The following ADCY2 variants were observed in gnomAD, a reference collection of about 807,000 sequenced individuals.
ADCY2 encodes adenylate cyclase type 2.
In ADCY2, 31 loss-of-function variants were observed where a neutral mutation model predicts 125.2. The ratio of observed to expected loss-of-function variants is 0.25; its 90% CI spans 0.19 to 0.33. The LOEUF (loss-of-function observed/expected upper bound fraction) is 0.33, where lower values mean the gene tolerates loss of function less well. Ranked by LOEUF, ADCY2 falls within the 10% of genes least tolerant of loss-of-function variation. The pLI is 1.00. For synonymous variants in ADCY2, 512 were observed against 548.4 expected, an observed-to-expected ratio of 0.93 and a Z score of 0.93; for missense variants, 904 against 1,418.2, an observed-to-expected ratio of 0.64 and a Z score of 5.82.
intron 15 of ADCY2, among the ~76,000 whole-genome samples, chr5:7,754,876 AAAAAC>A (rs895767007): frequency 4.5e-4 from 69 of 152,116 alleles, no homozygotes; most frequent in African/African-American, 1.6e-3. Flanking sequence ...AAAAAAAAGA[AAAAAC>A]AAAACAAAAC....
intron 20 of ADCY2, chr5:7,794,891 C>T (rs1172851494): frequency 6.6e-6 from 1 of 151,992 alleles, no homozygotes; most frequent in Non-Finnish European, 1.5e-5. Flanking sequence ...GTTTCTGTCC[C>T]CTCTACAGTG....
At chr5:7,642,487 G>A (rs1579268433) in intron 4 of ADCY2, among the ~76,000 whole-genome samples, 1 of 152,024 alleles carries the variant, frequency 6.6e-6, no homozygotes, top group East Asian at 1.9e-4. Context: ...TGTTTACAAT[G>A]TTATTATTTT....
rs1243719617 is a variant in ADCY2, at chr5:7,690,823, C to T, written c.853C>T (p.Arg285Trp). 2.5e-6 allele frequency: 4 copies of T among 1,594,830 alleles called. No individual in the cohort carries two copies. Among genetic ancestry groups the T allele is most frequent in the Non-Finnish European group, 3.4e-6 (4 of 1,172,112 alleles). The part of the protein sequence containing the change: ...TNNFHNLYVK[R>W]HTNVSILYAD... ...TAACTTCCACAACCTGTATGTGAAG[C>T]GGCATACAAACGTGAGGTACGACGC... Residue 285 changes from arginine (R) to tryptophan (W), a missense_variant, in exon 5 of 25, where the codon CGG (arginine) becomes TGG (tryptophan). Arg to Trp is a moderately radical substitution (Grantham distance 101). Around this residue, in one of 7 missense-constraint regions of ADCY2, gnomAD observed 117 missense variants for 248.0 expected, o/e 0.47. Transcript: ENST00000338316.
At chr5:7,783,501 G>A (rs748846163) in intron 18 of ADCY2, among the ~76,000 whole-genome samples, 21 of 151,866 alleles carry the variant, frequency 1.4e-4, no homozygotes, top group South Asian at 8.4e-4. Context: ...TTGTTATCTC[G>A]TTTGTCCTTG....
chr5:7,485,526 A>G (rs780887672), intron 2 of ADCY2, among the ~76,000 whole-genome samples: 4 of 152,148 alleles, frequency 2.6e-5, no homozygotes, highest in Non-Finnish European at 5.9e-5. Context: ...ATACACACAT[A>G]TTTTGCTGAT....
intron 15 of ADCY2, among the ~76,000 whole-genome samples, chr5:7,752,894 C>CTTTTTTTTTTTTTTTTT: frequency 1.1e-5 from 1 of 94,386 alleles, no homozygotes; most frequent in Non-Finnish European, 2.1e-5. Context: ...TAGGATTTTC[C>CTTTTTTTTTTTTTTTTT]TTTTTTTTTT....
chr5:7,462,041 G>GC (rs1488256774), intron 2 of ADCY2, among the ~76,000 whole-genome samples: 2 of 152,166 alleles, frequency 1.3e-5, no homozygotes, highest in East Asian at 3.9e-4. Context: ...GAGGATGAAC[G>GC]CTTTTCCTGT....
chr5:7,448,737 T>C (rs113574673), intron 2 of ADCY2, among the ~76,000 whole-genome samples: 2,303 of 152,276 alleles, frequency 0.015, 59 homozygotes, highest in African/African-American at 0.052. Flanking sequence ...TGGTATTTGG[T>C]TTTCTGTTCC....
intron 3 of ADCY2, among the ~76,000 whole-genome samples, chr5:7,554,484 A>G (rs768407493): frequency 1.6e-4 from 24 of 152,222 alleles, no homozygotes; most frequent in Non-Finnish European, 3.2e-4. Context: ...CTTGCCATAA[A>G]TAAGAGTCTA....
chr5:7,589,514 A>AAAGAAAGAAAGAAAG (rs1561112604), intron 3 of ADCY2, among the ~76,000 whole-genome samples: 2 of 72,066 alleles, frequency 2.8e-5, no homozygotes, highest in African/African-American at 8.9e-5. Context: ...AAGAAAGAAA[A>AAAGAAAGAAAGAAAG]GAAAAGAAAG....
At chr5:7,516,147 G>A (rs1277163002) in intron 2 of ADCY2, among the ~76,000 whole-genome samples, 2 of 152,188 alleles carry the variant, frequency 1.3e-5, no homozygotes, top group African/African-American at 4.8e-5. Flanking sequence ...AGGAGGGAGA[G>A]CATCAGTGGG....
intron 1 of ADCY2, among the ~76,000 whole-genome samples, chr5:7,412,845 T>A (rs968312638): frequency 3.3e-5 from 5 of 152,220 alleles, no homozygotes; most frequent in African/African-American, 1.2e-4. Context: ...AGCTGTAGAA[T>A]GGAACTAACA....
At chr5:7,408,053 G>A (rs1739569064) in intron 1 of ADCY2, among the ~76,000 whole-genome samples, 1 of 151,478 alleles carries the variant, frequency 6.6e-6, no homozygotes, top group Non-Finnish European at 1.5e-5. Flanking sequence ...TATTTTTTTA[G>A]TAGAGACGGG....
chr5:7,397,485 G>C (rs932982684), intron 1 of ADCY2, among the ~76,000 whole-genome samples: 1 of 111,290 alleles, frequency 9.0e-6, no homozygotes, highest in African/African-American at 3.4e-5. Context: ...GTCAGTGGTT[G>C]ATCTGTGAAT....
chr5:7,535,193 A>G (rs1734776732), intron 3 of ADCY2, among the ~76,000 whole-genome samples: 1 of 152,304 alleles, frequency 6.6e-6, no homozygotes, highest in South Asian at 2.1e-4. Context: ...GGCACCTGCC[A>G]CCACGCCCAG....
At chr5:7,724,253 T>C (rs1158160542) in intron 12 of ADCY2, among the ~76,000 whole-genome samples, 1 of 151,886 alleles carries the variant, frequency 6.6e-6, no homozygotes, top group African/African-American at 2.4e-5. Context: ...TTATCTCCCT[T>C]GTTATTTAAT....
chr5:7,514,744 C>A (rs553244862), intron 2 of ADCY2, among the ~76,000 whole-genome samples: 3 of 152,168 alleles, frequency 2.0e-5, no homozygotes, highest in African/African-American at 7.2e-5. Context: ...GAGAAGAGAA[C>A]GCTGTGCAGA....
At chr5:7,489,645 C>T (rs532696509) in intron 2 of ADCY2, among the ~76,000 whole-genome samples, 11 of 152,300 alleles carry the variant, frequency 7.2e-5, no homozygotes, top group South Asian at 2.1e-4. Context: ...CCAGCCATGT[C>T]GAACTGTGAG....
intron 20 of ADCY2, chr5:7,794,593 G>T (rs977570294): frequency 6.6e-6 from 1 of 152,026 alleles, no homozygotes; most frequent in Admixed American, 6.6e-5. Context: ...GAAAGGGAGA[G>T]TTTTGTTTGT....
Sources: gnomAD v4.1 joint callset for allele counts (sites outside exome capture counted in the v4.1 genomes callset) on GRCh38, gnomAD v4.1.1 for gene constraint, gnomAD v4.1.1 regional missense constraint, MANE v1.5 for transcripts, NCBI Gene and HGNC (gene_info 2026-07-23, HGNC 2026-07-21) for gene names.